The following XPC variants were observed in gnomAD, a reference collection of about 807,000 sequenced individuals.
The protein encoded by XPC is XPC complex subunit, DNA damage recognition and repair factor.
Under a neutral mutation model 95.8 loss-of-function variants are expected in XPC, and 76 were observed. That is an observed-to-expected ratio of 0.79 (90% CI 0.66 to 0.96). XPC has a LOEUF of 0.96. Among genes scored for constraint, XPC ranks in the 40% least tolerant of loss-of-function variants. The pLI is 0.00. For missense variants in XPC, 1,146 were observed against 1,179.8 expected (o/e 0.97, Z 0.42); for synonymous variants, 442 against 442.1 (o/e 1.00, Z 0.00).
At chr3:14,171,379 A>G (rs1041170697) in intron 2 of XPC, among the ~76,000 whole-genome samples, 3 of 152,216 alleles carry the variant, frequency 2.0e-5, no homozygotes, top group African/African-American at 7.2e-5. Flanking sequence ...TCCCCTTAGA[A>G]TGAACATAGC....
At position 14,159,832 on chromosome 3, in the gene XPC, T is replaced by C; in HGVS notation, c.901-2A>G. 1 of 1,552,984 alleles carries C rather than the reference T, an allele frequency of 6.4e-7. No individual in the cohort carries two copies. Among genetic ancestry groups the C allele is most frequent in the South Asian group, 1.2e-5 (1 of 84,100 alleles). ...AGCCCGGAGAATCAGTAAGAATATC[T>C]ATGATGAAAAGGAAGAACATAGTTA... On this transcript the variant is annotated splice_acceptor_variant, in intron 7 of 15. Coordinates refer to ENST00000285021, the MANE Select transcript of XPC (RefSeq NM_004628.5). LOFTEE classifies it high-confidence loss of function.
intron 10 of XPC, 175 bp from the exon 11 acceptor site, chr3:14,152,591 G>A (rs1285694088): frequency 3.6e-6 from 2 of 560,266 alleles, no homozygotes; most frequent in Non-Finnish European, 6.1e-6. Flanking sequence ...CTTGAACGTG[G>A]ACTGCCTGTC....
At chr3:14,176,582 T>A (rs1012176410) in intron 1 of XPC, among the ~76,000 whole-genome samples, 1 of 152,246 alleles carries the variant, frequency 6.6e-6, no homozygotes, top group South Asian at 2.1e-4. Flanking sequence ...TTTGAATGAG[T>A]AAATGAGTGA....
chr3:14,146,266 C>T (rs1009998363), intron 15 of XPC, 107 bp from the exon 16 acceptor site: 19 of 1,053,108 alleles, frequency 1.8e-5, no homozygotes, highest in Middle Eastern at 2.9e-4. Flanking sequence ...AGCTGTGTAA[C>T]TCTGGGAGGA....
chr3:14,152,213 A>G (rs1191524017), intron 11 of XPC, 122 bp downstream of exon 11: 1 of 752,444 alleles, frequency 1.3e-6, no homozygotes, highest in Admixed American at 3.3e-5. Flanking sequence ...AAAGTGAGAC[A>G]TTTCTGATCA....
chr3:14,169,550 G>A (rs1219168705), intron 3 of XPC, among the ~76,000 whole-genome samples: 1 of 152,192 alleles, frequency 6.6e-6, no homozygotes, highest in Non-Finnish European at 1.5e-5. Context: ...CAAATACAAG[G>A]CTTGGTTGGA....
At position 14,148,710 on chromosome 3, in the gene XPC, T is replaced by A. The variant is rs759810753; in HGVS notation, c.2272A>T (p.Asn758Tyr). ...DGKVPRNEFG[N>Y]VYLFLPSMMP... Reference sequence around the variant, plus strand: ...ATGCTGGGCAGGAAGAGGTACACATTCCCAAACTCGTTCCGGGGCACCTGT... The same window carrying A: ...ATGCTGGGCAGGAAGAGGTACACATACCCAAACTCGTTCCGGGGCACCTGT... Residue 758 changes from asparagine (N) to tyrosine (Y), a missense_variant, in exon 13 of 16, where the codon AAT (asparagine) becomes TAT (tyrosine). Transcript: ENST00000285021. The A allele has an allele frequency of 3.7e-6, 6 of 1,613,972 alleles. No homozygotes were observed. The South Asian group carries it at 6.6e-5, about 18-fold the overall frequency.
intron 1 of XPC, among the ~76,000 whole-genome samples, chr3:14,175,497 T>A (rs1290476498): frequency 1.3e-5 from 2 of 152,144 alleles, no homozygotes; most frequent in African/African-American, 4.8e-5. Flanking sequence ...CAGATTATAA[T>A]CATGAGAGCA....
intron 11 of XPC, 59 bp from the exon 12 acceptor site, chr3:14,149,007 G>A (rs1695573602): frequency 6.2e-7 from 1 of 1,602,252 alleles, no homozygotes; most frequent in African/African-American, 1.3e-5. Flanking sequence ...TCAGCACCGG[G>A]CCAGGCACCA....
intron 1 of XPC, among the ~76,000 whole-genome samples, chr3:14,173,455 T>C (rs1248887221): frequency 1.3e-5 from 2 of 152,212 alleles, no homozygotes; most frequent in Non-Finnish European, 2.9e-5. Flanking sequence ...AGTAAAATGT[T>C]AAGTACATAA....
In XPC at chr3:14,158,071, G is replaced by T. The variant is rs756484727; in HGVS notation, c.1812C>A (p.Ala604=). Reference sequence around the variant, plus strand: ...GGCTCTGGTATGGTCTCAAGGTCTCGGCCCACCACTCAGCATCAACCCGGC... The same window carrying T: ...GGCTCTGGTATGGTCTCAAGGTCTCTGCCCACCACTCAGCATCAACCCGGC... ...RKCRVDAEWW[A]ETLRPYQSPF... is the part of the protein sequence containing the mutation. The change falls in exon 9 of 16, where the codon GCC becomes GCA. Residue 604 remains alanine (A), a synonymous_variant. Coordinates refer to ENST00000285021, the MANE Select transcript of XPC (RefSeq NM_004628.5). This position sits in a 1 kb window ranked among gnomAD's most constrained non-coding sequence, Gnocchi z 5.2. 1 of 1,613,442 alleles carries T rather than the reference G, an allele frequency of 6.2e-7. No homozygotes were observed. Among genetic ancestry groups the T allele is most frequent in the Admixed American group, 1.7e-5 (1 of 59,980 alleles).
intron 10 of XPC, among the ~76,000 whole-genome samples, chr3:14,155,081 C>T (rs1286338945): frequency 6.6e-6 from 1 of 152,120 alleles, no homozygotes; most frequent in East Asian, 1.9e-4. Flanking sequence ...GTGCTAAAGT[C>T]CCAGAACAGC....
At chr3:14,170,168 C>T (rs1574974517) in intron 3 of XPC, among the ~76,000 whole-genome samples, 1 of 152,342 alleles carries the variant, frequency 6.6e-6, no homozygotes, top group East Asian at 1.9e-4. Flanking sequence ...CTTTCAAAGC[C>T]TGTGCTCCTT....
At chr3:14,164,972 G>A in intron 6 of XPC, 39 bp from the exon 7 acceptor site, 3 of 1,568,966 alleles carry the variant, frequency 1.9e-6, no homozygotes, top group Non-Finnish European at 2.6e-6. Flanking sequence ...CAGAGGTCAG[G>A]GCAAAGGGGA....
In XPC at chr3:14,159,004, T is replaced by A. The variant is rs908673981; in HGVS notation, c.991-112A>T. The A allele has an allele frequency of 5.1e-6, 7 of 1,363,556 alleles. No homozygotes were observed. The African/African-American group carries it at 7.2e-5, about 14-fold the overall frequency. The allele number at this position is 1,363,556 out of a possible 1,614,324, so 84.5% of individuals were successfully genotyped here. Reference sequence around the variant, plus strand: ...AGTCACCAGCTAGAGAACCAATACATCAAGATGTCCCCAGCTCAGACAGTG... The same window carrying A: ...AGTCACCAGCTAGAGAACCAATACAACAAGATGTCCCCAGCTCAGACAGTG... On this transcript the variant is annotated intron_variant, in intron 8 of 15. Coordinates refer to ENST00000285021, the MANE Select transcript of XPC (RefSeq NM_004628.5).
intron 5 of XPC, 195 bp from the exon 6 acceptor site, chr3:14,165,780 A>G (rs1274279744): frequency 1.7e-6 from 1 of 571,896 alleles, no homozygotes; most frequent in Non-Finnish European, 3.0e-6. Flanking sequence ...CTGTATACTC[A>G]TTCCTTCAAA....
At chr3:14,155,307 T>C (rs551534562) in intron 10 of XPC, among the ~76,000 whole-genome samples, 1 of 152,372 alleles carries the variant, frequency 6.6e-6, no homozygotes, top group South Asian at 2.1e-4. Context: ...TGTTTTCTCA[T>C]TTATTAAGAA....
intron 1 of XPC, among the ~76,000 whole-genome samples, chr3:14,175,792 T>G (rs1275416630): frequency 2.0e-5 from 3 of 152,220 alleles, no homozygotes; most frequent in African/African-American, 7.2e-5. Flanking sequence ...GCAACTACAC[T>G]GACAGTCACC....
chr3:14,158,034 T>G lies in XPC; in HGVS notation c.1849A>C (p.Arg617=). 6.2e-7 allele frequency: 1 copy of G among 1,600,406 alleles called. No individual in the cohort carries two copies. The highest frequency in any genetic ancestry group is 8.6e-7 in the Non-Finnish European group (1 of 1,168,484). ...ACCTCCAAGTCTTCTTTCTTCTCCCTGTCCATAAATGGGCTCTGGTATGGT... is the reference window on the plus strand; with the variant it reads ...ACCTCCAAGTCTTCTTTCTTCTCCCGGTCCATAAATGGGCTCTGGTATGGT... The part of the protein sequence containing the change: ...LRPYQSPFMD[R]EKKEDLEFQA... The change falls in exon 9 of 16, where the codon AGG becomes CGG. Residue 617 remains arginine, a synonymous_variant. Transcript: ENST00000285021. The surrounding 1 kb of genome is among the most constrained non-coding windows in gnomAD (Gnocchi z 5.2).
Sources: allele counts gnomAD v4.1 joint callset (sites outside exome capture counted in the v4.1 genomes callset), GRCh38; gene constraint gnomAD v4.1.1; non-coding constraint Gnocchi (gnomAD v3.1); transcripts MANE v1.5; gene names NCBI Gene and HGNC (gene_info 2026-07-23, HGNC 2026-07-21).